The following ITGA6 variants were observed in gnomAD, a reference collection of about 807,000 sequenced individuals.
ITGA6 encodes the protein integrin subunit alpha 6.
ITGA6 carries 63 observed loss-of-function variants against 133.6 expected under a neutral mutation model. The observed-to-expected ratio is 0.47, with a 90% CI of 0.38 to 0.58. The LOEUF (loss-of-function observed/expected upper bound fraction) is 0.58, where lower values mean the gene tolerates loss of function less well. ITGA6 is among the 20% of genes least tolerant of loss of function. The pLI is 0.00. For synonymous variants in ITGA6, 434 were observed against 482.0 expected, an observed-to-expected ratio of 0.90 and a Z score of 1.30; for missense variants, 1,068 against 1,309.4, an observed-to-expected ratio of 0.82 and a Z score of 2.85.
In ITGA6 at chr2:172,460,168, G is replaced by A. The variant is rs970444662; in HGVS notation, c.183-5371G>A. ...AAAAGGAAAATCAGAATACAGTTTG[G>A]TTCAGCACTGAGTAATACTTATTTG... On this transcript the variant is annotated intron_variant, in intron 1 of 25. Transcript: ENST00000684293. Among the ~76,000 whole-genome samples the A allele has an allele frequency of 6.6e-5, 10 of 152,212 alleles. No homozygotes were observed. In the East Asian group the frequency reaches 1.9e-3, roughly 29 times the overall value.
chr2:172,491,040 GA>G lies in ITGA6; in HGVS notation c.2699del (p.Lys900ArgfsTer10), dbSNP rs1686900900. 6.3e-7 allele frequency: 1 copy of G among 1,577,798 alleles called. No homozygotes were observed. ...TTTTTTCAGGAGTCTCACAACTCAA[GA>G]AAGAAACGGGAAATTACTGAAAAAC... ...SLNLTESHNS[R>X]KKREITEKQI... On this transcript the variant is annotated frameshift_variant, in exon 21 of 26. Transcript: ENST00000684293. LOFTEE classifies it high-confidence loss of function. This position sits in a 1 kb window ranked among gnomAD's most constrained non-coding sequence, Gnocchi z 4.4.
At chr2:172,459,133 AT>A (rs1195195367) in intron 1 of ITGA6, among the ~76,000 whole-genome samples, 1 of 152,216 alleles carries the variant, frequency 6.6e-6, no homozygotes, top group African/African-American at 2.4e-5. Context: ...CAGGAAATTC[AT>A]GTCCTAAGTC....
Position 172,427,896 on chromosome 2 carries a change from A to G in ITGA6, c.108A>G (p.Lys36=), listed in dbSNP as rs1683920794. Residue 36 remains lysine, a synonymous_variant, in exon 1 of 26, where the codon AAA becomes AAG. Transcript: ENST00000684293. ...CTCGGGAGGACAACGTGATCCGGAA[A>G]TATGGAGACCCCGGGAGCCTCTTCG... ...LDTREDNVIR[K]YGDPGSLFGF... is the part of the protein sequence containing the mutation. 10 of 1,607,492 alleles carry G rather than the reference A, an allele frequency of 6.2e-6. No homozygotes were observed. The highest frequency in any genetic ancestry group is 8.5e-6 in the Non-Finnish European group (10 of 1,177,326).
At chr2:172,496,439 G>A (rs1224477198) in intron 23 of ITGA6, among the ~76,000 whole-genome samples, 2 of 152,216 alleles carry the variant, frequency 1.3e-5, no homozygotes, top group Non-Finnish European at 2.9e-5. Flanking sequence ...CTGCTTTTAA[G>A]TATTTTTTGT....
intron 11 of ITGA6, among the ~76,000 whole-genome samples, chr2:172,483,012 T>C (rs1172121709): frequency 1.3e-5 from 2 of 152,140 alleles, no homozygotes; most frequent in Non-Finnish European, 2.9e-5. Context: ...TGTCCTCGGC[T>C]TTGCCCCACT....
In ITGA6 at chr2:172,458,246, C is replaced by CTTT. The variant is rs72218248; in HGVS notation, c.183-7281_183-7279dup. 5.2e-3 allele frequency among the ~76,000 whole-genome samples: 744 copies of CTTT among 143,700 alleles called. 7 individuals carry two copies. The highest frequency in any genetic ancestry group is 0.018 in the African/African-American group (709 of 38,928). 94.3% of individuals were successfully genotyped at this position (143,700 alleles called of 152,430 possible). A position where few individuals can be genotyped will look rare whatever the true frequency, so the allele number is the denominator to read the frequency against. On this transcript the variant is annotated intron_variant, in intron 1 of 25. Transcript: ENST00000684293. Reference sequence around the variant, plus strand: ...TTACAATGCACAAAAATAATGAATTCTTTTTTTTTTTTTTGAGACCATCTT... The same window carrying CTTT: ...TTACAATGCACAAAAATAATGAATTCTTTTTTTTTTTTTTTTTGAGACCATCTT...
chr2:172,493,292 C>T (rs1162750542), intron 23 of ITGA6, among the ~76,000 whole-genome samples: 1 of 152,052 alleles, frequency 6.6e-6, no homozygotes, highest in African/African-American at 2.4e-5. Flanking sequence ...CCGGTCTCTC[C>T]AGGACATATC....
At chr2:172,438,168 T>C (rs1684402848) in intron 1 of ITGA6, among the ~76,000 whole-genome samples, 1 of 151,550 alleles carries the variant, frequency 6.6e-6, no homozygotes, top group Non-Finnish European at 1.5e-5. Context: ...AAGATTATAG[T>C]GAGCTGGTTT....
intron 1 of ITGA6, chr2:172,428,544 T>TAA (rs1683969531): frequency 1.7e-5 from 1 of 60,046 alleles, no homozygotes; most frequent in Non-Finnish European, 2.7e-5. Flanking sequence ...TACATGCCTT[T>TAA]GAAAAAAAAA....
intron 9 of ITGA6, among the ~76,000 whole-genome samples, chr2:172,478,121 C>A (rs1203492394): frequency 1.3e-5 from 2 of 152,082 alleles, no homozygotes; most frequent in Non-Finnish European, 2.9e-5. Context: ...TTTAAATATG[C>A]TCTCAAAACT....
In ITGA6 at chr2:172,498,852, T is replaced by C. The variant is rs370932130; in HGVS notation, c.3114+752T>C. On this transcript the variant is annotated intron_variant, in intron 24 of 25. Coordinates refer to ENST00000684293, the MANE Select transcript of ITGA6 (RefSeq NM_000210.4). ...CAAAAAGCTCTGAAACCTTGAAGTA[T>C]ATATAATGACTTATTTGGCAATAAA... Among the ~76,000 whole-genome samples, 286 of 152,324 alleles carry C rather than the reference T, an allele frequency of 1.9e-3. 1 individual carries two copies. The highest frequency in any genetic ancestry group is 6.7e-3 in the African/African-American group (277 of 41,570).
Position 172,491,324 on chromosome 2 carries a change from T to A in ITGA6, c.2882T>A (p.Phe961Tyr), listed in dbSNP as rs1054765444. 7 of 1,605,872 alleles carry A rather than the reference T, an allele frequency of 4.4e-6. No homozygotes were observed. The highest frequency in any genetic ancestry group is 6.0e-6 in the Non-Finnish European group (7 of 1,172,626). The change falls in exon 22 of 26, where the codon TTT becomes TAT. Residue 961 changes from phenylalanine to tyrosine, a missense_variant. Physicochemically the swap from Phe to Tyr is conservative, Grantham distance 22 (BLOSUM62 3). Transcript: ENST00000684293. The surrounding 1 kb of genome is among the most constrained non-coding windows in gnomAD (Gnocchi z 4.4). ...CGCTCGAGGTTATGGAACAGCACATTTCTAGAGGTATGACCTTGGCTTGAG... is the reference window on the plus strand; with the variant it reads ...CGCTCGAGGTTATGGAACAGCACATATCTAGAGGTATGACCTTGGCTTGAG... Reference protein sequence around the residue: ...ILRSRLWNSTFLEEYSKLNYL... With the variant: ...ILRSRLWNSTYLEEYSKLNYL...
At chr2:172,475,570 A>G in intron 7 of ITGA6, 27 bp from the exon 8 acceptor site, 2 of 1,272,666 alleles carry the variant, frequency 1.6e-6, no homozygotes, top group East Asian at 2.3e-5. Context: ...CGTTTGTTAA[A>G]ATGTTAAAAT....
chr2:172,497,860 C>A, intron 23 of ITGA6, 115 bp from the exon 24 acceptor site: 1 of 995,602 alleles, frequency 1.0e-6, no homozygotes, highest in Admixed American at 1.7e-5. Context: ...TCATCTCATC[C>A]ATTCACAGGC....
chr2:172,457,113 G>A (rs978568298), intron 1 of ITGA6, among the ~76,000 whole-genome samples: 5 of 152,114 alleles, frequency 3.3e-5, no homozygotes, highest in Non-Finnish European at 5.9e-5. Flanking sequence ...GGCCAACATG[G>A]TGAAACCCCA....
chr2:172,469,357 C>G lies in ITGA6; in HGVS notation c.620C>G (p.Ala207Gly). The stretch of plus-strand genomic sequence containing the variant: ...GACTTTCATTACATTGTATTTGGAG[C>G]CCCGGGTACTTATAACTGGAAAGGT... ...TKDFHYIVFG[A>G]PGTYNWKGIV... The change falls in exon 4 of 26, where the codon GCC becomes GGC. Residue 207 changes from alanine to glycine, a missense_variant. Physicochemically the swap from Ala to Gly is moderately conservative, Grantham distance 60. Around this residue, in one of 3 missense-constraint regions of ITGA6, gnomAD observed 317 missense variants for 456.9 expected, o/e 0.69. Coordinates refer to ENST00000684293, the MANE Select transcript of ITGA6 (RefSeq NM_000210.4). The G allele has an allele frequency of 6.2e-7, 1 of 1,613,880 alleles. No individual in the cohort carries two copies. The highest frequency in any genetic ancestry group is 8.5e-7 in the Non-Finnish European group (1 of 1,179,838).
chr2:172,479,663 C>G lies in ITGA6; in HGVS notation c.1411C>G (p.Gln471Glu), dbSNP rs1269490778. 6.2e-7 allele frequency: 1 copy of G among 1,613,924 alleles called. No individual in the cohort carries two copies. Among genetic ancestry groups the G allele is most frequent in the South Asian group, 1.1e-5 (1 of 91,062 alleles). The change falls in exon 10 of 26, where the codon CAG becomes GAG. Residue 471 changes from glutamine to glutamate, a missense_variant. Coordinates refer to ENST00000684293, the MANE Select transcript of ITGA6 (RefSeq NM_000210.4). ...CAGATCCCGGCCTGTGATTAATATTCAGAAAACCATCACAGTAACTCCTAA... is the reference window on the plus strand; with the variant it reads ...CAGATCCCGGCCTGTGATTAATATTGAGAAAACCATCACAGTAACTCCTAA... Reference protein sequence around the residue: ...IFRSRPVINIQKTITVTPNRI... With the variant: ...IFRSRPVINIEKTITVTPNRI...
At position 172,491,342 on chromosome 2, in the gene ITGA6, G is replaced by C. The variant is rs375319103; in HGVS notation, c.2889+11G>C. 5.0e-6 allele frequency: 8 copies of C among 1,586,508 alleles called. No individual in the cohort carries two copies. The African/African-American group carries it at 9.4e-5, about 19-fold the overall frequency. On this transcript the variant is annotated intron_variant, in intron 22 of 25. Transcript: ENST00000684293. This position sits in a 1 kb window ranked among gnomAD's most constrained non-coding sequence, Gnocchi z 4.4. ...AGCACATTTCTAGAGGTATGACCTT[G>C]GCTTGAGGCTGTCCCATGGAAGTAA...
chr2:172,472,935 C>A, intron 5 of ITGA6: 3 of 1,272,766 alleles, frequency 2.4e-6, no homozygotes, highest in South Asian at 2.4e-5. Context: ...TGGTTGTGGT[C>A]ATTAAATTTT....
Sources: allele counts gnomAD v4.1 joint callset (sites outside exome capture counted in the v4.1 genomes callset), GRCh38; gene constraint gnomAD v4.1.1; regional missense constraint gnomAD v4.1.1; non-coding constraint Gnocchi (gnomAD v3.1); transcripts MANE v1.5; gene names NCBI Gene and HGNC (gene_info 2026-07-23, HGNC 2026-07-21).